Variants in SGCG observed in about 807,000 individuals in gnomAD.
SGCG encodes the protein sarcoglycan gamma.
A neutral mutation model predicts 29.3 loss-of-function variants in SGCG; 26 were observed. The observed-to-expected ratio is 0.89, with a 90% CI of 0.65 to 1.23. SGCG has a LOEUF of 1.23. SGCG is among the 50% of genes most tolerant of loss of function. The pLI is 0.00. For missense variants in SGCG, 353 were observed against 356.0 expected (o/e 0.99, Z 0.07); for synonymous variants, 145 against 129.7 (o/e 1.12, Z -0.80).
intron 5 of SGCG, among the ~76,000 whole-genome samples, chr13:23,290,779 G>A (rs1390270003): frequency 7.0e-6 from 1 of 143,532 alleles, no homozygotes; most frequent in Admixed American, 6.9e-5. Flanking sequence ...ATGAATGCAT[G>A]TCTGAGATAT....
At chr13:23,260,962 G>A (rs768308884) in intron 4 of SGCG, among the ~76,000 whole-genome samples, 25 of 152,100 alleles carry the variant, frequency 1.6e-4, no homozygotes, top group Non-Finnish European at 2.4e-4. Flanking sequence ...TCTGGCTGCC[G>A]TTAACATTTT....
At chr13:23,208,575 G>A (rs1353609202) in intron 2 of SGCG, among the ~76,000 whole-genome samples, 1 of 152,122 alleles carries the variant, frequency 6.6e-6, no homozygotes, top group Non-Finnish European at 1.5e-5. Context: ...GCTGGGGTTA[G>A]AAAGAGCCCA....
chr13:23,321,601 AGCGTAGACAGCT>A (rs1353397651), intron 7 of SGCG, among the ~76,000 whole-genome samples: 1 of 152,176 alleles, frequency 6.6e-6, no homozygotes, highest in African/African-American at 2.4e-5. Context: ...ACGGGCTGGG[AGCGTAGACAGCT>A]GGAGATGCTG....
rs60718653 is a variant in SGCG, at chr13:23,225,780, TACACACAC to T, written c.196-8810_196-8803del. ...CCAGGCCCTCTGAGAGGACATGTCA[TACACACAC>T]ACACACACACACACACACACCCCTA... On this transcript the variant is annotated intron_variant, in intron 2 of 7. Transcript: ENST00000218867. Among the ~76,000 whole-genome samples the T allele has an allele frequency of 2.2e-4, 33 of 148,662 alleles. 1 individual carries two copies. The highest frequency in any genetic ancestry group is 7.7e-4 in the African/African-American group (31 of 40,030).
intron 6 of SGCG, among the ~76,000 whole-genome samples, chr13:23,317,024 G>A (rs1882842103): frequency 1.3e-5 from 2 of 152,096 alleles, no homozygotes. Flanking sequence ...GGCTAACACA[G>A]TGAAAGCTGT....
upstream of SGCG, among the ~76,000 whole-genome samples, chr13:23,176,847 G>A (rs749230594): frequency 1.3e-4 from 19 of 151,942 alleles, no homozygotes; most frequent in Non-Finnish European, 2.4e-4. Context: ...TGGTTTAGAG[G>A]TTTTCTGTGG....
chr13:23,263,900 C>T (rs1880541287), intron 4 of SGCG, among the ~76,000 whole-genome samples: 1 of 152,062 alleles, frequency 6.6e-6, no homozygotes, highest in East Asian at 1.9e-4. Context: ...AAACCCTCAA[C>T]CAACTAGGCA....
chr13:23,185,183 CATAG>C lies in SGCG; in HGVS notation c.-1+4112_-1+4115del, dbSNP rs373800744. 4.7e-3 allele frequency among the ~76,000 whole-genome samples: 716 copies of C among 152,288 alleles called. 5 individuals carry two copies. Among genetic ancestry groups the C allele is most frequent in the South Asian group, 0.04 (192 of 4,816 alleles). On this transcript the variant is annotated intron_variant, in intron 1 of 7. Transcript: ENST00000218867. ...ACATTAGTGATCCTGACAACTTTCA[CATAG>C]ATAAAGTTGAATGGTATTCTGAGAA...
chr13:23,172,140 A>G, the SGCG span, among the ~76,000 whole-genome samples: 6 of 152,174 alleles, frequency 3.9e-5, no homozygotes, highest in Admixed American at 6.5e-5. Context: ...CAATGTTGCA[A>G]TTGCGATATT....
chr13:23,235,533 T>C lies in SGCG; in HGVS notation c.297+821T>C, dbSNP rs374663632. Reference sequence around the variant, plus strand: ...AAAAGTAAATCAAGGTTTTCTTCATTTACCTCCATGGAGCTTATAAGAAGG... The same window carrying C: ...AAAAGTAAATCAAGGTTTTCTTCATCTACCTCCATGGAGCTTATAAGAAGG... On this transcript the variant is annotated intron_variant, in intron 3 of 7. Coordinates refer to ENST00000218867, the MANE Select transcript of SGCG (RefSeq NM_000231.3). 3.2e-3 allele frequency among the ~76,000 whole-genome samples: 492 copies of C among 152,354 alleles called. 3 individuals are homozygous for C. The highest frequency in any genetic ancestry group is 0.011 in the African/African-American group (462 of 41,574).
intron 1 of SGCG, among the ~76,000 whole-genome samples, chr13:23,185,490 C>T (rs1876935242): frequency 1.3e-5 from 2 of 152,162 alleles, no homozygotes; most frequent in Non-Finnish European, 1.5e-5. Context: ...GCATCCGGTC[C>T]CCGATCACTT....
intron 2 of SGCG, among the ~76,000 whole-genome samples, chr13:23,218,671 T>C (rs1878526038): frequency 6.6e-6 from 1 of 152,006 alleles, no homozygotes. Flanking sequence ...TAACTGCTGA[T>C]TGAACAGAGA....
At chr13:23,204,059 C>T (rs1877884201) in intron 2 of SGCG, among the ~76,000 whole-genome samples, 170 bp downstream of exon 2, 1 of 151,112 alleles carries the variant, frequency 6.6e-6, no homozygotes, top group African/African-American at 2.5e-5. Context: ...TTTCCCTTTT[C>T]CTTAAACCTC....
At chr13:23,203,328 A>G (rs534600086) in intron 1 of SGCG, among the ~76,000 whole-genome samples, 1 of 151,322 alleles carries the variant, frequency 6.6e-6, no homozygotes, top group South Asian at 2.1e-4. Context: ...AGAACTCGGT[A>G]ACTTGATTAT....
chr13:23,172,661 G>A, the SGCG span, among the ~76,000 whole-genome samples: 1 of 152,182 alleles, frequency 6.6e-6, no homozygotes, highest in East Asian at 1.9e-4. Flanking sequence ...ATGGTTTACT[G>A]ATCATTTCAT....
In SGCG at chr13:23,240,609, C is replaced by A. The variant is rs188103611; in HGVS notation, c.297+5897C>A. ...ATAAATTTAAAAACATTCAAGTCTT[C>A]CAACATGTTATCTGACCATAGTGGG... On this transcript the variant is annotated intron_variant, in intron 3 of 7. Transcript: ENST00000218867. Among the ~76,000 whole-genome samples the A allele has an allele frequency of 7.8e-3, 1,181 of 152,232 alleles. 19 individuals are homozygous for A. The highest frequency in any genetic ancestry group is 0.027 in the African/African-American group (1,104 of 41,540).
intron 4 of SGCG, among the ~76,000 whole-genome samples, chr13:23,252,860 C>A (rs1431861636): frequency 6.6e-6 from 1 of 152,042 alleles, no homozygotes. Context: ...GACTAAAAAG[C>A]AGATTTGCTC....
chr13:23,315,185 G>A (rs926868479), intron 6 of SGCG, among the ~76,000 whole-genome samples: 5 of 152,166 alleles, frequency 3.3e-5, no homozygotes, highest in African/African-American at 1.2e-4. Context: ...GTCCTTTTGA[G>A]AGACAACTCT....
At chr13:23,163,443 C>A in the SGCG span, among the ~76,000 whole-genome samples, 1 of 152,154 alleles carries the variant, frequency 6.6e-6, no homozygotes, top group Non-Finnish European at 1.5e-5. Context: ...CTAATTTGGA[C>A]TCAATTTCAA....
Sources: allele counts gnomAD v4.1 joint callset (sites outside exome capture counted in the v4.1 genomes callset), GRCh38; gene constraint gnomAD v4.1.1; transcripts MANE v1.5; gene names NCBI Gene and HGNC (gene_info 2026-07-23, HGNC 2026-07-21).